The following MYO5B variants were observed in gnomAD, a reference collection of about 807,000 sequenced individuals.
MYO5B encodes the protein unconventional myosin-Vb.
MYO5B carries 143 observed loss-of-function variants against 229.3 expected under a neutral mutation model. The ratio of observed to expected loss-of-function variants is 0.62; its 90% confidence interval spans 0.54 to 0.72. The LOEUF (loss-of-function observed/expected upper bound fraction) is 0.72. MYO5B is among the 30% of genes least tolerant of loss of function. The probability of loss-of-function intolerance (pLI) is 0.00; values close to 1 mark genes in which losing one functional copy is unlikely to be tolerated. For synonymous variants in MYO5B, 918 were observed against 885.2 expected (o/e 1.04, Z -0.66); for missense variants, 2,321 against 2,331.0 (o/e 1.00, Z 0.09).
chr18:50,098,333 T>C (rs2031592812), intron 1 of MYO5B, among the ~76,000 whole-genome samples: 1 of 152,228 alleles, frequency 6.6e-6, no homozygotes, highest in South Asian at 2.1e-4. Context: ...CTAGCAATCG[T>C]TGCTTTGGAG....
intron 1 of MYO5B, among the ~76,000 whole-genome samples, chr18:50,084,877 C>A (rs2031298505): frequency 6.6e-6 from 1 of 152,158 alleles, no homozygotes; most frequent in Non-Finnish European, 1.5e-5. Context: ...AAAGCTGAAA[C>A]TGGATCCCTT....
In MYO5B at chr18:49,993,851, C is replaced by T. The variant is rs534717901; in HGVS notation, c.613-1420G>A. Among the ~76,000 whole-genome samples, 9 of 152,292 alleles carry T rather than the reference C, an allele frequency of 5.9e-5. No homozygotes were observed. The South Asian group carries it at 1.9e-3, about 32-fold the overall frequency. ...CCTATTATACTCCCTGTATAAAACG[C>T]TTCAGTGGCTTACACTGCCCTCTGA... is the stretch of plus-strand genomic sequence containing the variant. On this transcript the variant is annotated intron_variant, in intron 5 of 39. Coordinates refer to ENST00000285039, the MANE Select transcript of MYO5B (RefSeq NM_001080467.3).
At chr18:49,886,934 T>C (rs1249023804) in intron 22 of MYO5B, among the ~76,000 whole-genome samples, 3 of 152,102 alleles carry the variant, frequency 2.0e-5, no homozygotes, top group African/African-American at 4.8e-5. Flanking sequence ...GACTGACTCA[T>C]GGTAGTTGAT....
chr18:50,066,677 C>T (rs776438157), intron 1 of MYO5B, among the ~76,000 whole-genome samples: 56 of 152,256 alleles, frequency 3.7e-4, no homozygotes, highest in Non-Finnish European at 7.4e-4. Context: ...GCCATGAAAC[C>T]AGTTGTGACT....
At chr18:50,143,325 A>T (rs1251585921) in intron 1 of MYO5B, among the ~76,000 whole-genome samples, 3 of 152,232 alleles carry the variant, frequency 2.0e-5, no homozygotes, top group Admixed American at 6.5e-5. Flanking sequence ...AGCTGTGTAG[A>T]ATAAAATAGG....
At chr18:49,865,169 T>C (rs2024381897) in intron 27 of MYO5B, among the ~76,000 whole-genome samples, 1 of 152,148 alleles carries the variant, frequency 6.6e-6, no homozygotes, top group Non-Finnish European at 1.5e-5. Flanking sequence ...TACAGAGCCA[T>C]AGCATGATGG....
At chr18:49,892,233 G>A (rs2024723679) in intron 22 of MYO5B, among the ~76,000 whole-genome samples, 1 of 152,242 alleles carries the variant, frequency 6.6e-6, no homozygotes, top group African/African-American at 2.4e-5. Context: ...AAGGGCCTGG[G>A]TGTGGACTAC....
At chr18:50,144,800 G>GTA in intron 1 of MYO5B, among the ~76,000 whole-genome samples, 1 of 152,192 alleles carries the variant, frequency 6.6e-6, no homozygotes, top group East Asian at 1.9e-4. Flanking sequence ...CACCTAATAG[G>GTA]TATACACAGT....
intron 1 of MYO5B, among the ~76,000 whole-genome samples, chr18:50,068,750 C>T (rs1036654946): frequency 6.6e-6 from 1 of 152,228 alleles, no homozygotes; most frequent in Non-Finnish European, 1.5e-5. Context: ...CCCTCAGCAT[C>T]CAAATAGCAA....
Position 50,069,311 on chromosome 18 carries a change from G to A in MYO5B, c.28-13933C>T, listed in dbSNP as rs575877637. On this transcript the variant is annotated intron_variant, in intron 1 of 39. Transcript: ENST00000285039. ...ATTTGGGTTAACGCTGAGCTCTGGA[G>A]TCTGTTTTCACTGCTGACGTAAGGA... 9.2e-5 allele frequency among the ~76,000 whole-genome samples: 14 copies of A among 152,274 alleles called. 1 individual carries two copies. The South Asian group carries it at 2.9e-3, about 32-fold the overall frequency.
intron 19 of MYO5B, among the ~76,000 whole-genome samples, 183 bp downstream of exon 19, chr18:49,906,236 G>A (rs1427653275): frequency 6.6e-6 from 1 of 152,104 alleles, no homozygotes; most frequent in Non-Finnish European, 1.5e-5. Context: ...CCTACCCCCT[G>A]AGGTGAGAAG....
At chr18:49,839,548 G>A (rs186479321) in intron 35 of MYO5B, among the ~76,000 whole-genome samples, 100 of 152,332 alleles carry the variant, frequency 6.6e-4, no homozygotes, top group African/African-American at 2.4e-3. Flanking sequence ...CTGAGGCGAA[G>A]TGATTTCCCT....
At chr18:49,955,132 G>C (rs71357215) in intron 12 of MYO5B, among the ~76,000 whole-genome samples, 3,003 of 152,326 alleles carry the variant, frequency 0.02, 37 homozygotes, top group Middle Eastern at 0.058. Context: ...TGGCCATGCA[G>C]TGAGAACTAA....
intron 1 of MYO5B, among the ~76,000 whole-genome samples, chr18:50,074,780 A>G (rs936415101): frequency 2.6e-5 from 4 of 152,160 alleles, no homozygotes; most frequent in African/African-American, 9.7e-5. Flanking sequence ...ATGCCCATAA[A>G]TATAAGTTCC....
intron 2 of MYO5B, among the ~76,000 whole-genome samples, chr18:50,049,487 C>T (rs543144373): frequency 1.3e-5 from 2 of 152,324 alleles, no homozygotes; most frequent in Admixed American, 1.3e-4. Context: ...CTGTCAGAAC[C>T]ATAGAGCCAC....
At position 49,826,140 on chromosome 18, in the gene MYO5B, A is replaced by G; in HGVS notation, c.*331T>C. ...ATTTGGACATTCTCTAGTTCTATGCAAAGATCAAAACTAGGCAGCTTCGTT... is the reference window on the plus strand; with the variant it reads ...ATTTGGACATTCTCTAGTTCTATGCGAAGATCAAAACTAGGCAGCTTCGTT... On this transcript the variant is annotated 3_prime_UTR_variant, in exon 40 of 40. Transcript: ENST00000285039. 2.9e-6 allele frequency: 1 copy of G among 342,196 alleles called. No individual in the cohort carries two copies. Among genetic ancestry groups the G allele is most frequent in the Non-Finnish European group, 5.6e-6 (1 of 179,334 alleles). The allele number at this position is 342,196 out of a possible 1,614,324, so 21.2% of individuals were successfully genotyped here.
intron 27 of MYO5B, among the ~76,000 whole-genome samples, chr18:49,867,040 T>A (rs631052): frequency 1.3e-5 from 2 of 150,984 alleles, no homozygotes; most frequent in African/African-American, 4.9e-5. Context: ...AGAGCAGAGC[T>A]GGTGGGGGTC....
intron 1 of MYO5B, among the ~76,000 whole-genome samples, chr18:50,185,841 G>A (rs1047287902): frequency 8.2e-6 from 1 of 122,378 alleles, no homozygotes; most frequent in Non-Finnish European, 1.8e-5. Flanking sequence ...ATTAAAAATG[G>A]CAAAATTGCC....
intron 4 of MYO5B, among the ~76,000 whole-genome samples, chr18:50,014,454 T>C (rs2026196035): frequency 6.6e-6 from 1 of 152,214 alleles, no homozygotes; most frequent in African/African-American, 2.4e-5. Context: ...AGAGAGAGTA[T>C]TAATGATCCC....
Sources: gnomAD v4.1 joint callset for allele counts (sites outside exome capture counted in the v4.1 genomes callset) on GRCh38, gnomAD v4.1.1 for gene constraint, MANE v1.5 for transcripts, NCBI Gene and HGNC (gene_info 2026-07-23, HGNC 2026-07-21) for gene names.